The following RETREG1 variants were observed in gnomAD, a reference collection of about 807,000 sequenced individuals.
RETREG1 encodes the protein family with sequence similarity 134 member B.
In RETREG1, 44 loss-of-function variants were observed where a neutral mutation model predicts 54.8. That is an observed-to-expected ratio of 0.80 (90% CI 0.63 to 1.03). The LOEUF (loss-of-function observed/expected upper bound fraction) is 1.03. Ranked by LOEUF, RETREG1 falls within the 50% of genes least tolerant of loss-of-function variation. The pLI is 0.00. For synonymous variants in RETREG1, 217 were observed against 238.5 expected (o/e 0.91, Z 0.83); for missense variants, 554 against 605.1 (o/e 0.92, Z 0.89).
At chr5:16,493,176 C>T (rs33687) in intron 3 of RETREG1, among the ~76,000 whole-genome samples, 87,676 of 151,930 alleles carry the variant, frequency 0.58, 25,612 homozygotes, top group Admixed American at 0.72. Flanking sequence ...TCAAACTGAG[C>T]ACTGCTACTT....
chr5:16,535,082 T>C (rs1741016871), intron 3 of RETREG1, among the ~76,000 whole-genome samples: 1 of 152,230 alleles, frequency 6.6e-6, no homozygotes, highest in African/African-American at 2.4e-5. Flanking sequence ...GAGAAGCTGC[T>C]ATGAGAAGCT....
At chr5:16,592,747 C>T (rs909984310) in intron 1 of RETREG1, among the ~76,000 whole-genome samples, 15 of 151,932 alleles carry the variant, frequency 9.9e-5, no homozygotes, top group Non-Finnish European at 2.1e-4. Context: ...GGTATGGGAA[C>T]ATGGATGGAG....
chr5:16,613,846 C>T (rs1474959029), intron 1 of RETREG1, among the ~76,000 whole-genome samples: 1 of 151,288 alleles, frequency 6.6e-6, no homozygotes, highest in Non-Finnish European at 1.5e-5. Flanking sequence ...AGAAGAAATA[C>T]ATTATTTAAA....
intron 6 of RETREG1, 65 bp from the exon 7 acceptor site, chr5:16,478,163 C>A: frequency 1.0e-6 from 1 of 993,878 alleles, no homozygotes; most frequent in South Asian, 1.3e-5. Flanking sequence ...GCATTTATTT[C>A]ATTATGTATT....
At chr5:16,587,346 A>T (rs1281983655) in intron 1 of RETREG1, among the ~76,000 whole-genome samples, 2 of 152,222 alleles carry the variant, frequency 1.3e-5, no homozygotes, top group African/African-American at 4.8e-5. Context: ...TGGAAATTAT[A>T]TATCCATAAA....
At chr5:16,578,531 A>G (rs572746349) in intron 1 of RETREG1, among the ~76,000 whole-genome samples, 40 of 152,280 alleles carry the variant, frequency 2.6e-4, no homozygotes, top group African/African-American at 9.4e-4. Context: ...CGATCCTGAC[A>G]CTGGCACGCT....
intron 1 of RETREG1, among the ~76,000 whole-genome samples, chr5:16,573,742 GTT>G (rs34651832): frequency 1.6e-5 from 2 of 126,532 alleles, no homozygotes. Context: ...TTTGTTTTTT[GTT>G]TTTTTTTTTT....
At chr5:16,510,647 G>A (rs755673816) in intron 3 of RETREG1, among the ~76,000 whole-genome samples, 3 of 151,044 alleles carry the variant, frequency 2.0e-5, no homozygotes, top group Admixed American at 6.6e-5. Context: ...AAAATTAGCC[G>A]AGCGTGGTGA....
chr5:16,475,967 GC>G (rs1738520879), intron 8 of RETREG1, among the ~76,000 whole-genome samples: 1 of 152,146 alleles, frequency 6.6e-6, no homozygotes, highest in African/African-American at 2.4e-5. Flanking sequence ...TTAATGAAAA[GC>G]CTTGTATGTG....
At chr5:16,572,788 C>T (rs916470087) in intron 1 of RETREG1, among the ~76,000 whole-genome samples, 2 of 152,184 alleles carry the variant, frequency 1.3e-5, no homozygotes, top group Non-Finnish European at 2.9e-5. Flanking sequence ...CTAACAGACA[C>T]GGATGGGCTG....
chr5:16,591,566 A>C, intron 1 of RETREG1, among the ~76,000 whole-genome samples: 2 of 152,210 alleles, frequency 1.3e-5, no homozygotes, highest in East Asian at 3.9e-4. Flanking sequence ...CACGCCATTT[A>C]CCAATTCACA....
At chr5:16,552,912 G>T (rs1415308792) in intron 3 of RETREG1, among the ~76,000 whole-genome samples, 4 of 152,130 alleles carry the variant, frequency 2.6e-5, no homozygotes, top group Non-Finnish European at 4.4e-5. Context: ...ATGTCCCATC[G>T]CTCACACCCC....
chr5:16,482,525 T>C (rs1467713316), intron 4 of RETREG1, among the ~76,000 whole-genome samples: 3 of 151,716 alleles, frequency 2.0e-5, no homozygotes, highest in Non-Finnish European at 2.9e-5. Flanking sequence ...ACACTCAAAA[T>C]GTCTCCAAGC....
intron 2 of RETREG1, among the ~76,000 whole-genome samples, chr5:16,566,214 A>AT (rs1213085468): frequency 6.6e-6 from 1 of 152,226 alleles, no homozygotes; most frequent in African/African-American, 2.4e-5. Flanking sequence ...AAAAGCGCCA[A>AT]TAATAGAAAT....
At chr5:16,499,220 C>T (rs1416211330) in intron 3 of RETREG1, among the ~76,000 whole-genome samples, 6 of 152,110 alleles carry the variant, frequency 3.9e-5, no homozygotes, top group Non-Finnish European at 8.8e-5. Context: ...GGACCACTGT[C>T]ACATATGCAG....
intron 3 of RETREG1, among the ~76,000 whole-genome samples, chr5:16,503,616 C>G (rs1411402354): frequency 1.5e-5 from 2 of 132,820 alleles, no homozygotes; most frequent in South Asian, 4.8e-4. Context: ...TGCAGTGAGT[C>G]AAGATCACTG....
intron 3 of RETREG1, among the ~76,000 whole-genome samples, chr5:16,540,364 AG>A (rs1741206692): frequency 6.6e-6 from 1 of 152,240 alleles, no homozygotes; most frequent in African/African-American, 2.4e-5. Context: ...TAAAGCAATG[AG>A]TGGGCTAATG....
intron 3 of RETREG1, among the ~76,000 whole-genome samples, chr5:16,485,123 GTT>G (rs1738964850): frequency 6.6e-6 from 1 of 152,096 alleles, no homozygotes; most frequent in African/African-American, 2.4e-5. Context: ...GAAATATAAG[GTT>G]ATTAAAATGC....
Position 16,594,407 on chromosome 5 carries a change from A to T in RETREG1, c.320+22245T>A, listed in dbSNP as rs767424644. ...CTTTAAATATGTAGACAACTTTTAT[A>T]AGAAAAAAAGTTAAACGCTTAACAT... On this transcript the variant is annotated intron_variant, in intron 1 of 8. Coordinates refer to ENST00000306320, the MANE Select transcript of RETREG1 (RefSeq NM_001034850.3). The surrounding 1 kb of genome is among the most constrained non-coding windows in gnomAD (Gnocchi z 4.4). Among the ~76,000 whole-genome samples, 9 of 152,188 alleles carry T rather than the reference A, an allele frequency of 5.9e-5. No individual in the cohort carries two copies. The highest frequency in any genetic ancestry group is 1.0e-4 in the Non-Finnish European group (7 of 68,026).
Sources: allele counts gnomAD v4.1 joint callset (sites outside exome capture counted in the v4.1 genomes callset), GRCh38; gene constraint gnomAD v4.1.1; non-coding constraint Gnocchi (gnomAD v3.1); transcripts MANE v1.5; gene names NCBI Gene and HGNC (gene_info 2026-07-23, HGNC 2026-07-21).